SYT1: variants seen among roughly 807,000 people sequenced by gnomAD.
The protein encoded by SYT1 is synaptotagmin-1.
In SYT1, 8 loss-of-function variants were observed where a neutral mutation model predicts 44.8. The observed-to-expected ratio is 0.18, with a 90% CI of 0.10 to 0.32. SYT1 has a LOEUF of 0.32. SYT1 is among the 10% of genes least tolerant of loss of function. The pLI, the probability that SYT1 is intolerant of heterozygous loss-of-function variation, is 1.00. For missense variants in SYT1, 286 were observed against 509.3 expected (o/e 0.56, Z 4.22); for synonymous variants, 154 against 188.8 (o/e 0.82, Z 1.51).
intron 3 of SYT1, among the ~76,000 whole-genome samples, chr12:79,121,692 C>G (rs1879608169): frequency 6.6e-6 from 1 of 152,142 alleles, no homozygotes; most frequent in Non-Finnish European, 1.5e-5. Context: ...GCGTACTGAG[C>G]CACCAGAGGT....
intron 2 of SYT1, among the ~76,000 whole-genome samples, chr12:79,006,512 T>C (rs1871095138): frequency 6.6e-6 from 1 of 152,034 alleles, no homozygotes; most frequent in Non-Finnish European, 1.5e-5. Flanking sequence ...ATGATGATGA[T>C]ATATATTTGG....
chr12:79,376,348 G>T (rs984903841), intron 9 of SYT1, among the ~76,000 whole-genome samples: 1 of 152,156 alleles, frequency 6.6e-6, no homozygotes, highest in Admixed American at 6.5e-5. Context: ...CTGAACAAAG[G>T]GTGGATTATT....
At chr12:79,026,955 G>A (rs1017059651) in intron 2 of SYT1, among the ~76,000 whole-genome samples, 4 of 151,370 alleles carry the variant, frequency 2.6e-5, no homozygotes, top group Non-Finnish European at 5.9e-5. Context: ...ATTGTTGATA[G>A]AAAAACAAAT....
chr12:79,140,440 A>G (rs1348508554), intron 3 of SYT1, among the ~76,000 whole-genome samples: 1 of 152,132 alleles, frequency 6.6e-6, no homozygotes, highest in Non-Finnish European at 1.5e-5. Flanking sequence ...TGCTTTCCGT[A>G]TATAGTGTGA....
At chr12:78,931,664 C>G (rs1284772003) in intron 1 of SYT1, among the ~76,000 whole-genome samples, 3 of 152,176 alleles carry the variant, frequency 2.0e-5, no homozygotes, top group South Asian at 2.1e-4. Context: ...TTTGAGACTT[C>G]TAACAGACTT....
chr12:79,014,183 G>A (rs1871641304), intron 2 of SYT1, among the ~76,000 whole-genome samples: 1 of 149,972 alleles, frequency 6.7e-6, no homozygotes, highest in Non-Finnish European at 1.5e-5. Context: ...AATAAGCCTT[G>A]GGTATTTTTG....
chr12:78,997,210 G>A (rs1870437075), intron 2 of SYT1, among the ~76,000 whole-genome samples: 1 of 152,272 alleles, frequency 6.6e-6, no homozygotes, highest in East Asian at 1.9e-4. Flanking sequence ...GCAATAACCA[G>A]GAAAGCTGTT....
intron 3 of SYT1, among the ~76,000 whole-genome samples, chr12:79,198,805 T>C (rs571655890): frequency 3.9e-5 from 6 of 152,214 alleles, no homozygotes; most frequent in Non-Finnish European, 7.3e-5. Context: ...TTTCTTTCCT[T>C]CATTCCTCTT....
intron 1 of SYT1, among the ~76,000 whole-genome samples, chr12:78,910,889 G>C (rs138718821): frequency 8.7e-4 from 132 of 152,060 alleles, no homozygotes; most frequent in Non-Finnish European, 1.3e-3. Context: ...AAATTATTGA[G>C]AGGGCAGACA....
At chr12:79,162,832 A>T (rs1871031357) in intron 3 of SYT1, among the ~76,000 whole-genome samples, 1 of 151,230 alleles carries the variant, frequency 6.6e-6, no homozygotes, top group Non-Finnish European at 1.5e-5. Context: ...AGTTGAATAA[A>T]CTTTATTTTA....
intron 8 of SYT1, among the ~76,000 whole-genome samples, chr12:79,339,441 T>A (rs1882257820): frequency 6.6e-6 from 1 of 152,258 alleles, no homozygotes; most frequent in Non-Finnish European, 1.5e-5. Flanking sequence ...CATTTTTTCA[T>A]GTGTCTGTTG....
chr12:79,150,036 T>A (rs748436458), intron 3 of SYT1, among the ~76,000 whole-genome samples: 1 of 152,218 alleles, frequency 6.6e-6, no homozygotes, highest in African/African-American at 2.4e-5. Flanking sequence ...AATTTATAAA[T>A]AGTAATTGTA....
chr12:79,374,676 G>T (rs1306259494), intron 9 of SYT1, among the ~76,000 whole-genome samples: 1 of 152,206 alleles, frequency 6.6e-6, no homozygotes, highest in Non-Finnish European at 1.5e-5. Context: ...TAGCAGGATG[G>T]CTGCTCACAA....
chr12:78,909,494 A>G (rs1320091635), intron 1 of SYT1, among the ~76,000 whole-genome samples: 1 of 151,976 alleles, frequency 6.6e-6, no homozygotes, highest in Non-Finnish European at 1.5e-5. Flanking sequence ...AGGGAAAAAA[A>G]TCCAGGGACA....
At chr12:79,437,933 T>A (rs1870186090) in intron 9 of SYT1, among the ~76,000 whole-genome samples, 1 of 151,958 alleles carries the variant, frequency 6.6e-6, no homozygotes. Flanking sequence ...GAGGAAGGGA[T>A]GGGAGAGAAT....
intron 5 of SYT1, among the ~76,000 whole-genome samples, chr12:79,286,937 G>A (rs1178624145): frequency 1.3e-5 from 2 of 151,988 alleles, no homozygotes; most frequent in African/African-American, 2.4e-5. Context: ...AAATATATAA[G>A]CAGTTTTATA....
At chr12:79,345,084 C>T (rs1882546696) in intron 8 of SYT1, among the ~76,000 whole-genome samples, 1 of 152,094 alleles carries the variant, frequency 6.6e-6, no homozygotes, top group South Asian at 2.1e-4. Flanking sequence ...GACTTCCTGC[C>T]GAACCTTCCT....
intron 1 of SYT1, among the ~76,000 whole-genome samples, chr12:78,911,084 T>C (rs1038536004): frequency 6.6e-6 from 1 of 151,992 alleles, no homozygotes; most frequent in African/African-American, 2.4e-5. Context: ...AGATTTGATT[T>C]TTAAATTATC....
chr12:79,245,464 C>A, intron 4 of SYT1, among the ~76,000 whole-genome samples: 1 of 127,140 alleles, frequency 7.9e-6, no homozygotes. Flanking sequence ...CAGAGCGAGA[C>A]TCCGTCAACA....
Sources: gnomAD v4.1 joint callset for allele counts (sites outside exome capture counted in the v4.1 genomes callset) on GRCh38, gnomAD v4.1.1 for gene constraint, MANE v1.5 for transcripts, NCBI Gene and HGNC (gene_info 2026-07-23, HGNC 2026-07-21) for gene names.